ZNF560: variants seen among roughly 807,000 people sequenced by gnomAD.
ZNF560 encodes zinc finger protein 560.
Under a neutral mutation model 81.8 loss-of-function variants are expected in ZNF560, and 54 were observed. The ratio of observed to expected loss-of-function variants is 0.66; its 90% CI spans 0.53 to 0.83. The LOEUF is 0.83. Ranked by LOEUF, ZNF560 falls within the 40% of genes least tolerant of loss-of-function variation. The pLI, the probability that ZNF560 is intolerant of heterozygous loss-of-function variation, is 0.00. For missense variants in ZNF560, 940 were observed against 932.4 expected (o/e 1.01, Z -0.11); for synonymous variants, 321 against 317.9 (o/e 1.01, Z -0.10).
intron 2 of ZNF560, among the ~76,000 whole-genome samples, chr19:9,490,430 C>T (rs2073453473): frequency 6.6e-6 from 1 of 152,150 alleles, no homozygotes; most frequent in African/African-American, 2.4e-5. Context: ...AATTGGAATG[C>T]TTTGGCCTGC....
At position 9,466,600 on chromosome 19, in the gene ZNF560, G is replaced by A. The variant is rs150203893; in HGVS notation, c.2347C>T (p.Arg783Cys). 3.2e-5 allele frequency: 52 copies of A among 1,605,394 alleles called. No individual in the cohort carries two copies. Among genetic ancestry groups the A allele is most frequent in the South Asian group, 1.4e-4 (13 of 89,988 alleles). Residue 783 changes from arginine (R) to cysteine (C), a missense_variant, in exon 10 of 10, where the codon CGT becomes TGT. Arg to Cys is a radical substitution (Grantham distance 180). Transcript: ENST00000301480. ...CGKAFASFSA[R>C]IAHLKTH ...TAGTGTGTTTTCAAATGTGCAATACGAGCTGAGAAAGAAGCAAAGGCTTTC... is the reference window on the plus strand; with the variant it reads ...TAGTGTGTTTTCAAATGTGCAATACAAGCTGAGAAAGAAGCAAAGGCTTTC...
At chr19:9,481,138 C>T (rs1452191024) in intron 2 of ZNF560, among the ~76,000 whole-genome samples, 1 of 148,716 alleles carries the variant, frequency 6.7e-6, no homozygotes, top group African/African-American at 2.5e-5. Flanking sequence ...ACCATGTGAT[C>T]TTTGACAAAC....
At position 9,466,883 on chromosome 19, in the gene ZNF560, T is replaced by C; in HGVS notation, c.2064A>G (p.Ala688=). 1 of 1,614,136 alleles carries C rather than the reference T, an allele frequency of 6.2e-7. No individual in the cohort carries two copies. The highest frequency in any genetic ancestry group is 8.5e-7 in the Non-Finnish European group (1 of 1,180,036). The change falls in exon 10 of 10, where the codon GCA becomes GCG. Residue 688 remains alanine (A), a synonymous_variant. Transcript: ENST00000301480. The part of the protein sequence containing the change: ...HAAEKTSECN[A]CGNSFRNSMC... ...TGGAATTTCGAAAGGAATTTCCACA[T>C]GCGTTACATTCAGAGGTCTTCTCTG...
At chr19:9,472,531 A>G (rs540091138) in intron 5 of ZNF560, among the ~76,000 whole-genome samples, 1 of 152,264 alleles carries the variant, frequency 6.6e-6, no homozygotes, top group African/African-American at 2.4e-5. Flanking sequence ...CATGCGAAGG[A>G]TTTAGTTTGC....
the ZNF560 span, among the ~76,000 whole-genome samples, chr19:9,459,538 G>A: frequency 0.1 from 15,544 of 152,218 alleles, 957 homozygotes; most frequent in South Asian, 0.2. Flanking sequence ...AAGTATGGCA[G>A]AGTCAAAGGA....
chr19:9,458,408 T>C, the ZNF560 span, among the ~76,000 whole-genome samples: 2 of 152,374 alleles, frequency 1.3e-5, no homozygotes, highest in Non-Finnish European at 2.9e-5. Context: ...GGTAAAGTTT[T>C]TCAGACGCCC....
intron 3 of ZNF560, among the ~76,000 whole-genome samples, chr19:9,475,046 A>G: frequency 6.6e-6 from 1 of 152,054 alleles, no homozygotes. Context: ...AATAAGAAAT[A>G]TATATCTGGC....
At chr19:9,464,360 G>A (rs771071342), downstream of ZNF560, among the ~76,000 whole-genome samples, 1 of 152,174 alleles carries the variant, frequency 6.6e-6, no homozygotes, top group Non-Finnish European at 1.5e-5. Context: ...TGGCATCAAA[G>A]ACAACATTCG....
chr19:9,466,527 A>G lies in ZNF560; in HGVS notation c.*47T>C. On this transcript the variant is annotated 3_prime_UTR_variant, in exon 10 of 10. Transcript: ENST00000301480. ...TTTACATGTTCAGTTAGGCTTGAGG[A>G]AACAGCAAAGGTTTTTCCACATTCT... The G allele has an allele frequency of 6.6e-7, 1 of 1,513,778 alleles. No homozygotes were observed. The highest frequency in any genetic ancestry group is 8.9e-7 in the Non-Finnish European group (1 of 1,127,806). The allele number at this position is 1,513,778 out of a possible 1,614,324, so 93.8% of individuals were successfully genotyped here. A position where few individuals can be genotyped will look rare whatever the true frequency, so the allele number is the denominator to read the frequency against.
downstream of ZNF560, among the ~76,000 whole-genome samples, chr19:9,464,683 AAACAGG>A (rs2072987603): frequency 9.8e-5 from 15 of 152,362 alleles, no homozygotes; most frequent in South Asian, 3.1e-3. Flanking sequence ...TACACTGTTA[AAACAGG>A]ATTGTCTGAA....
the ZNF560 span, among the ~76,000 whole-genome samples, chr19:9,446,365 TACACACACACACACACACACACAC>T: frequency 1.4e-5 from 2 of 145,254 alleles, no homozygotes; most frequent in East Asian, 2.1e-4. Context: ...TGCCAAGTCA[TACACACACACACACACACACACAC>T]ACACACACAC....
the ZNF560 span, among the ~76,000 whole-genome samples, chr19:9,452,806 C>T: frequency 6.6e-6 from 1 of 152,170 alleles, no homozygotes; most frequent in Non-Finnish European, 1.5e-5. Flanking sequence ...GGATACTATG[C>T]TTACCACTTG....
chr19:9,494,487 C>A (rs1171614512), intron 2 of ZNF560, among the ~76,000 whole-genome samples: 1 of 152,192 alleles, frequency 6.6e-6, no homozygotes, highest in African/African-American at 2.4e-5. Context: ...GTAATCCCAG[C>A]ACTTTGGGAG....
chr19:9,469,298 T>A (rs2073085936), intron 8 of ZNF560, 111 bp from the exon 9 acceptor site: 1 of 783,942 alleles, frequency 1.3e-6, no homozygotes, highest in Non-Finnish European at 2.0e-6. Context: ...GGCAATCATA[T>A]GGGGTCAAGT....
At chr19:9,472,109 CAAA>C (rs35628783) in intron 5 of ZNF560, among the ~76,000 whole-genome samples, 10 of 129,990 alleles carry the variant, frequency 7.7e-5, no homozygotes, top group Non-Finnish European at 9.9e-5. Flanking sequence ...GACTCCGTCT[CAAA>C]AAAAAAAAAA....
the ZNF560 span, among the ~76,000 whole-genome samples, chr19:9,457,247 T>A: frequency 6.6e-6 from 1 of 152,218 alleles, no homozygotes; most frequent in Non-Finnish European, 1.5e-5. Flanking sequence ...TATAACCTAT[T>A]GGGGCATTAC....
upstream of ZNF560, among the ~76,000 whole-genome samples, chr19:9,499,703 T>C (rs941126156): frequency 6.6e-6 from 1 of 152,256 alleles, no homozygotes; most frequent in East Asian, 1.9e-4. Context: ...ATCTTTATAA[T>C]ACTGAGTCTT....
the ZNF560 span, among the ~76,000 whole-genome samples, chr19:9,460,552 C>G: frequency 6.6e-6 from 1 of 152,152 alleles, no homozygotes; most frequent in South Asian, 2.1e-4. Flanking sequence ...CTCACCCACA[C>G]AGGGAAGGAA....
At chr19:9,453,365 C>T in the ZNF560 span, among the ~76,000 whole-genome samples, 2 of 152,010 alleles carry the variant, frequency 1.3e-5, no homozygotes, top group Non-Finnish European at 2.9e-5. Flanking sequence ...GAAATCAAAC[C>T]AAAAATATAC....
Sources: allele counts gnomAD v4.1 joint callset (sites outside exome capture counted in the v4.1 genomes callset), GRCh38; gene constraint gnomAD v4.1.1; transcripts MANE v1.5; gene names NCBI Gene and HGNC (gene_info 2026-07-23, HGNC 2026-07-21).